C2CD2: variants seen among roughly 807,000 people sequenced by gnomAD.
C2CD2 encodes C2 calcium dependent domain containing 2, also known as C2 domain-containing protein 2.
In C2CD2, 43 loss-of-function variants were observed where a neutral mutation model predicts 74.3. The ratio of observed to expected loss-of-function variants is 0.58; its 90% CI spans 0.45 to 0.75. C2CD2 has a LOEUF of 0.75. C2CD2 is among the 30% of genes least tolerant of loss of function. The probability of loss-of-function intolerance (pLI) is 0.00; values close to 1 mark genes in which losing one functional copy is unlikely to be tolerated. For missense variants in C2CD2, 801 were observed against 916.3 expected, an observed-to-expected ratio of 0.87 and a Z score of 1.63; for synonymous variants, 422 against 390.7, an observed-to-expected ratio of 1.08 and a Z score of -0.94.
intron 11 of C2CD2, 105 bp downstream of exon 11, chr21:41,905,618 CA>C (rs1270704394): frequency 4.7e-6 from 3 of 632,502 alleles, no homozygotes; most frequent in Non-Finnish European, 8.3e-6. Context: ...ACACCAGGCC[CA>C]AAACAACTTT....
chr21:41,948,336 C>G (rs566956938), intron 1 of C2CD2, among the ~76,000 whole-genome samples: 2 of 152,176 alleles, frequency 1.3e-5, no homozygotes, highest in East Asian at 3.9e-4. Context: ...CTGGCTCTGC[C>G]CCAGCTCACA....
chr21:41,912,395 T>C lies in C2CD2; in HGVS notation c.890A>G (p.Gln297Arg), dbSNP rs374380546. ...VCVVQLNDPV[Q>R]RFSSTLTKNT... ...TTTCGTCAGGGTGCTGGAGAACCTC[T>C]GAACAGGATCGTTCAGCTGCACGAC... Residue 297 changes from glutamine to arginine, a missense_variant, in exon 7 of 14, where the codon CAG becomes CGG. Physicochemically the swap from Gln to Arg is conservative, Grantham distance 43 (BLOSUM62 1). Coordinates refer to ENST00000380486, the MANE Select transcript of C2CD2 (RefSeq NM_015500.2). 1 of 1,613,004 alleles carries C rather than the reference T, an allele frequency of 6.2e-7. No homozygotes were observed. Among genetic ancestry groups the C allele is most frequent in the Non-Finnish European group, 8.5e-7 (1 of 1,179,878 alleles).
intron 13 of C2CD2, among the ~76,000 whole-genome samples, chr21:41,891,715 G>C (rs1459646634): frequency 6.6e-6 from 1 of 152,158 alleles, no homozygotes; most frequent in Non-Finnish European, 1.5e-5. Context: ...GGAGAGGAAG[G>C]GGTGGATCCA....
intron 3 of C2CD2, 43 bp downstream of exon 3, chr21:41,921,929 A>C: frequency 2.5e-6 from 3 of 1,203,186 alleles, no homozygotes; most frequent in Middle Eastern, 3.8e-4. Context: ...ATTTCTGAGA[A>C]CTGTGACGGG....
chr21:41,942,000 TACCCATCAGCTGATG>T (rs1472110408), intron 2 of C2CD2, 132 bp downstream of exon 2: 2 of 984,950 alleles, frequency 2.0e-6, no homozygotes, highest in African/African-American at 3.3e-5. Flanking sequence ...TTTCTTCATC[TACCCATCAGCTGATG>T]GGCCAGATGG....
In C2CD2 at chr21:41,943,375, G is replaced by A. The variant is rs368827066; in HGVS notation, c.280-1130C>T. On this transcript the variant is annotated intron_variant, in intron 1 of 13. Transcript: ENST00000380486. ...GGCAACAAGGCCAACGTTTTATGAC[G>A]AAGAACCCAGGGCTTATGTGACCAA... Among the ~76,000 whole-genome samples, 17 of 152,258 alleles carry A rather than the reference G, an allele frequency of 1.1e-4. No individual in the cohort carries two copies. In the East Asian group the frequency reaches 2.9e-3, roughly 26 times the overall value.
chr21:41,902,854 T>C (rs373540), intron 11 of C2CD2, among the ~76,000 whole-genome samples: 3,741 of 152,150 alleles, frequency 0.025, 153 homozygotes, highest in African/African-American at 0.085. Context: ...TCATTCCTAA[T>C]AAGCCCCTGC....
At chr21:41,891,784 C>T (rs774152045) in intron 13 of C2CD2, among the ~76,000 whole-genome samples, 6 of 152,040 alleles carry the variant, frequency 3.9e-5, no homozygotes, top group Admixed American at 1.3e-4. Flanking sequence ...AAATGGAGGC[C>T]TAGGGGGAGG....
intron 7 of C2CD2, among the ~76,000 whole-genome samples, chr21:41,911,384 G>A (rs1380332047): frequency 1.4e-5 from 2 of 142,490 alleles, no homozygotes; most frequent in South Asian, 2.3e-4. Context: ...TCCCTATCTC[G>A]ATTCTTTTTT....
At chr21:41,930,423 C>A (rs1046605428) in intron 2 of C2CD2, among the ~76,000 whole-genome samples, 10 of 150,124 alleles carry the variant, frequency 6.7e-5, no homozygotes, top group African/African-American at 1.9e-4. Context: ...GTATTCAGGG[C>A]CAGGCACAGT....
Position 41,912,446 on chromosome 21 carries a change from A to G in C2CD2, c.845-6T>C. On this transcript the variant is annotated splice_region_variant and splice_polypyrimidine_tract_variant and intron_variant, in intron 6 of 13. Transcript: ENST00000380486. ...GCACACTGCATTAATGTGGCCTGTA[A>G]TTAAATAGAAGGGCATCGTGTTGGC... 1 of 1,544,976 alleles carries G rather than the reference A, an allele frequency of 6.5e-7. No homozygotes were observed. Among genetic ancestry groups the G allele is most frequent in the Non-Finnish European group, 8.8e-7 (1 of 1,135,914 alleles).
chr21:41,946,056 G>A (rs1233740846), intron 1 of C2CD2, among the ~76,000 whole-genome samples: 2 of 152,184 alleles, frequency 1.3e-5, no homozygotes, highest in Non-Finnish European at 2.9e-5. Flanking sequence ...GAGGAGAAAT[G>A]ACAGTTCTGT....
Position 41,886,705 on chromosome 21 carries a change from GC to G in C2CD2, c.*2418del, listed in dbSNP as rs2064688212. 6.6e-6 allele frequency: 1 copy of G among 151,912 alleles called. No individual in the cohort carries two copies. Among genetic ancestry groups the G allele is most frequent in the Admixed American group, 6.6e-5 (1 of 15,264 alleles). 9.4% of individuals were successfully genotyped at this position (151,912 alleles called of 1,614,324 possible). On this transcript the variant is annotated 3_prime_UTR_variant, in exon 14 of 14. Transcript: ENST00000380486. ...AGAAGGCTTAATATAAAATCCTGGG[GC>G]CGGCCTGGTGGCTCATGCCTATAAT...
At position 41,903,385 on chromosome 21, in the gene C2CD2, T is replaced by C. The variant is rs1601557198; in HGVS notation, c.1433-1636A>G. On this transcript the variant is annotated intron_variant, in intron 11 of 13. Transcript: ENST00000380486. This position sits in a 1 kb window ranked among gnomAD's most constrained non-coding sequence, Gnocchi z 4.5. ...GCACCTGACATCTAAAGTGGAAGGG[T>C]GGTTTTGTGGGGCTGAGCCTTTCAC... 6.6e-6 allele frequency among the ~76,000 whole-genome samples: 1 copy of C among 151,810 alleles called. No homozygotes were observed.
rs892953459 is a variant in C2CD2, at chr21:41,886,618, C to G, written c.*2506G>C. On this transcript the variant is annotated 3_prime_UTR_variant, in exon 14 of 14. Coordinates refer to ENST00000380486, the MANE Select transcript of C2CD2 (RefSeq NM_015500.2). Reference sequence around the variant, plus strand: ...CTAGACCTTGGTATTCAACAGTAAGCAGCGCTCATGGGATTCATCTGGAAA... The same window carrying G: ...CTAGACCTTGGTATTCAACAGTAAGGAGCGCTCATGGGATTCATCTGGAAA... 6.6e-6 allele frequency: 1 copy of G among 151,980 alleles called. No individual in the cohort carries two copies. The highest frequency in any genetic ancestry group is 1.5e-5 in the Non-Finnish European group (1 of 68,038). 9.4% of individuals were successfully genotyped at this position (151,980 alleles called of 1,614,324 possible).
chr21:41,894,953 A>C, intron 13 of C2CD2: 1 of 456,712 alleles, frequency 2.2e-6, no homozygotes, highest in Non-Finnish European at 4.4e-6. Context: ...CTCCACGAGC[A>C]ACACCTGTGA....
At position 41,942,082 on chromosome 21, in the gene C2CD2, A is replaced by G. The variant is rs187075419; in HGVS notation, c.378+65T>C. On this transcript the variant is annotated intron_variant, in intron 2 of 13. Transcript: ENST00000380486. ...CCGCATTTTCAATGATTCTAAACAA[A>G]GCAAACTCCCCGTCCCCGGCATCAA... 7.8e-6 allele frequency: 12 copies of G among 1,536,432 alleles called. No individual in the cohort carries two copies. In the East Asian group the frequency reaches 2.5e-4, roughly 32 times the overall value.
chr21:41,951,458 T>C lies in C2CD2; in HGVS notation c.279+1912A>G, dbSNP rs373226426. ...TGCCAGAGATGGCCCTGGGTTGCTT[T>C]GAGCATGAATCCGGGACACTGTTGC... On this transcript the variant is annotated intron_variant, in intron 1 of 13. Transcript: ENST00000380486. 4.6e-5 allele frequency among the ~76,000 whole-genome samples: 7 copies of C among 151,008 alleles called. No homozygotes were observed. The South Asian group carries it at 1.2e-3, about 27-fold the overall frequency.
rs58493441 is a variant in C2CD2, at chr21:41,918,465, C to T, written c.598-238G>A. On this transcript the variant is annotated intron_variant, in intron 4 of 13. Coordinates refer to ENST00000380486, the MANE Select transcript of C2CD2 (RefSeq NM_015500.2). ...CTCACCGTGGGAGAGAGGGCCTGAT[C>T]GTCAGACATGGTGGAGCGTCAAGCA... Among the ~76,000 whole-genome samples the T allele has an allele frequency of 2.3e-3, 356 of 152,340 alleles. 1 individual carries two copies. Among genetic ancestry groups the T allele is most frequent in the African/African-American group, 8.2e-3 (339 of 41,576 alleles).
Sources: gnomAD v4.1 joint callset for allele counts (sites outside exome capture counted in the v4.1 genomes callset) on GRCh38, gnomAD v4.1.1 for gene constraint, Gnocchi (gnomAD v3.1) non-coding constraint, MANE v1.5 for transcripts, NCBI Gene and HGNC (gene_info 2026-07-23, HGNC 2026-07-21) for gene names.